ARHGAP15: variants seen among roughly 807,000 people sequenced by gnomAD.
ARHGAP15 encodes Rho GTPase activating protein 15.
Under a neutral mutation model 63.7 loss-of-function variants are expected in ARHGAP15, and 51 were observed. The ratio of observed to expected loss-of-function variants is 0.80; its 90% CI spans 0.64 to 1.01. The LOEUF is 1.01. Among genes scored for constraint, ARHGAP15 ranks in the 50% least tolerant of loss-of-function variants. The pLI is 0.00. For missense variants in ARHGAP15, 560 were observed against 564.6 expected (o/e 0.99, Z 0.08); for synonymous variants, 191 against 193.8 (o/e 0.99, Z 0.12).
chr2:143,498,119 A>G (rs961628282), intron 9 of ARHGAP15, among the ~76,000 whole-genome samples: 3 of 152,166 alleles, frequency 2.0e-5, no homozygotes, highest in African/African-American at 7.2e-5. Context: ...CTCCAAATTC[A>G]TGTCTATTAT....
intron 13 of ARHGAP15, among the ~76,000 whole-genome samples, chr2:143,730,406 TTGTC>T (rs1483349715): frequency 1.3e-5 from 2 of 149,112 alleles, no homozygotes; most frequent in African/African-American, 4.9e-5. Flanking sequence ...CAATATTTCT[TTGTC>T]TTTCAAACTG....
rs886712610 is a variant in ARHGAP15, at chr2:143,668,017, T to A, written c.1139-35402T>A. On this transcript the variant is annotated intron_variant, in intron 12 of 13. Transcript: ENST00000295095. ...AATACATATATAAAAATATATTTTT[T>A]AAAAATACATATTTTTAAAAAGAGA... Among the ~76,000 whole-genome samples, 13 of 151,742 alleles carry A rather than the reference T, an allele frequency of 8.6e-5. No individual in the cohort carries two copies. The South Asian group carries it at 1.7e-3, about 19-fold the overall frequency.
At chr2:143,374,466 A>T (rs1210274547) in intron 6 of ARHGAP15, among the ~76,000 whole-genome samples, 2 of 151,962 alleles carry the variant, frequency 1.3e-5, no homozygotes, top group Admixed American at 6.6e-5. Context: ...AGCACTCGTA[A>T]ATCCACCCTA....
chr2:143,268,115 A>T (rs756351681), intron 6 of ARHGAP15, among the ~76,000 whole-genome samples: 21 of 152,084 alleles, frequency 1.4e-4, no homozygotes, highest in Non-Finnish European at 3.1e-4. Context: ...TCAGTGAAAA[A>T]TGATTGCAAT....
At chr2:143,752,791 G>A (rs1360204757) in intron 13 of ARHGAP15, among the ~76,000 whole-genome samples, 1 of 152,134 alleles carries the variant, frequency 6.6e-6, no homozygotes, top group East Asian at 1.9e-4. Flanking sequence ...GGCACATAGA[G>A]CCTGTCAAAG....
At chr2:143,675,468 A>C (rs1251392325) in intron 12 of ARHGAP15, among the ~76,000 whole-genome samples, 2 of 152,212 alleles carry the variant, frequency 1.3e-5, no homozygotes, top group Non-Finnish European at 2.9e-5. Context: ...CAGAGGGCTC[A>C]TTCTCTATGG....
At chr2:143,306,598 TAGGAG>T (rs1293935997) in intron 6 of ARHGAP15, among the ~76,000 whole-genome samples, 1 of 152,108 alleles carries the variant, frequency 6.6e-6, no homozygotes, top group Non-Finnish European at 1.5e-5. Context: ...TAGAATTACT[TAGGAG>T]AGGATCTATA....
At chr2:143,558,733 G>A (rs1181399877) in intron 11 of ARHGAP15, among the ~76,000 whole-genome samples, 2 of 152,156 alleles carry the variant, frequency 1.3e-5, no homozygotes, top group Admixed American at 1.3e-4. Flanking sequence ...TGAACAATGT[G>A]TGTGGGTGTT....
At chr2:143,412,200 G>A (rs1052841893) in intron 6 of ARHGAP15, among the ~76,000 whole-genome samples, 12 of 152,234 alleles carry the variant, frequency 7.9e-5, no homozygotes, top group Non-Finnish European at 1.6e-4. Context: ...GGAACAGTTC[G>A]GAAGCTCTAT....
chr2:143,254,022 C>T (rs7562611), intron 6 of ARHGAP15, among the ~76,000 whole-genome samples: 25,749 of 152,024 alleles, frequency 0.17, 2,348 homozygotes, highest in Middle Eastern at 0.25. Flanking sequence ...TCAGCTATAA[C>T]GAGCTGGGTA....
At chr2:143,383,524 T>C (rs942435861) in intron 6 of ARHGAP15, among the ~76,000 whole-genome samples, 3 of 152,218 alleles carry the variant, frequency 2.0e-5, no homozygotes, top group African/African-American at 4.8e-5. Flanking sequence ...CGGAAGTGCT[T>C]TACTGAAAGT....
intron 12 of ARHGAP15, among the ~76,000 whole-genome samples, chr2:143,630,199 A>G (rs1699007777): frequency 6.6e-6 from 1 of 152,136 alleles, no homozygotes; most frequent in Non-Finnish European, 1.5e-5. Flanking sequence ...TTCAATGTTT[A>G]GTACTAGATA....
chr2:143,200,679 ATTCTCT>A (rs2105110174), intron 2 of ARHGAP15, among the ~76,000 whole-genome samples: 1 of 152,090 alleles, frequency 6.6e-6, no homozygotes, highest in African/African-American at 2.4e-5. Context: ...TTTATTATAA[ATTCTCT>A]TTCTCTTTAT....
chr2:143,411,848 T>C (rs193015667), intron 6 of ARHGAP15, among the ~76,000 whole-genome samples: 13 of 152,288 alleles, frequency 8.5e-5, no homozygotes, highest in Admixed American at 2.0e-4. Flanking sequence ...ATATACTCTC[T>C]TACCTTTTAT....
At chr2:143,407,311 A>AT (rs1358420223) in intron 6 of ARHGAP15, among the ~76,000 whole-genome samples, 1 of 151,756 alleles carries the variant, frequency 6.6e-6, no homozygotes, top group African/African-American at 2.4e-5. Context: ...ACCCATTCAT[A>AT]TTTTTTAAGA....
intron 1 of ARHGAP15, among the ~76,000 whole-genome samples, chr2:143,136,489 G>A (rs1689147578): frequency 6.6e-6 from 1 of 152,038 alleles, no homozygotes; most frequent in Non-Finnish European, 1.5e-5. Flanking sequence ...ATGAAACAAT[G>A]TTGATTTGTA....
chr2:143,752,823 T>G (rs1204953380), intron 13 of ARHGAP15, among the ~76,000 whole-genome samples: 1 of 151,996 alleles, frequency 6.6e-6, no homozygotes, highest in African/African-American at 2.4e-5. Flanking sequence ...TGGGCAGAAA[T>G]AGTCCAGGCT....
chr2:143,515,515 C>A (rs979060685), intron 9 of ARHGAP15, among the ~76,000 whole-genome samples: 1 of 152,152 alleles, frequency 6.6e-6, no homozygotes, highest in Non-Finnish European at 1.5e-5. Context: ...CCAAGCATCA[C>A]ATCATTGCAA....
intron 6 of ARHGAP15, among the ~76,000 whole-genome samples, chr2:143,380,050 A>T (rs990631990): frequency 6.6e-6 from 1 of 152,100 alleles, no homozygotes; most frequent in East Asian, 1.9e-4. Context: ...AAAGAAATAC[A>T]TCAGGACTGT....
Sources: allele counts gnomAD v4.1 joint callset (sites outside exome capture counted in the v4.1 genomes callset), GRCh38; gene constraint gnomAD v4.1.1; transcripts MANE v1.5; gene names NCBI Gene and HGNC (gene_info 2026-07-23, HGNC 2026-07-21).